Variants in PAK5 observed in about 807,000 individuals in gnomAD.
PAK5 encodes serine/threonine-protein kinase PAK 5.
PAK5 carries 16 observed loss-of-function variants against 65.9 expected under a neutral mutation model. The observed-to-expected ratio is 0.24, with a 90% CI of 0.16 to 0.37. The LOEUF (loss-of-function observed/expected upper bound fraction) is 0.37, where lower values mean the gene tolerates loss of function less well. Ranked by LOEUF, PAK5 falls within the 10% of genes least tolerant of loss-of-function variation. The pLI is 1.00. For synonymous variants in PAK5, 371 were observed against 354.9 expected (o/e 1.05, Z -0.51); for missense variants, 785 against 903.9 (o/e 0.87, Z 1.69).
At chr20:9,680,459 C>T (rs2047634489) in intron 2 of PAK5, among the ~76,000 whole-genome samples, 1 of 152,158 alleles carries the variant, frequency 6.6e-6, no homozygotes, top group Non-Finnish European at 1.5e-5. Context: ...CTGTCAGCAA[C>T]TGGAGCTCGG....
chr20:9,676,597 G>T (rs992804697), intron 2 of PAK5, among the ~76,000 whole-genome samples: 3 of 152,194 alleles, frequency 2.0e-5, no homozygotes, highest in African/African-American at 7.2e-5. Flanking sequence ...AAGTGAGATA[G>T]AGGGAGAAAG....
intron 1 of PAK5, among the ~76,000 whole-genome samples, chr20:9,742,428 A>C (rs1217992706): frequency 6.6e-6 from 1 of 152,178 alleles, no homozygotes; most frequent in Non-Finnish European, 1.5e-5. Flanking sequence ...AGTGGGCTTT[A>C]ATTGTTTTAA....
chr20:9,768,154 T>A (rs917774355), intron 1 of PAK5, among the ~76,000 whole-genome samples: 5 of 152,148 alleles, frequency 3.3e-5, no homozygotes, highest in Non-Finnish European at 7.3e-5. Context: ...AATCTTTAAT[T>A]CTTTTTTTCT....
intron 1 of PAK5, among the ~76,000 whole-genome samples, chr20:9,752,135 G>A (rs958374439): frequency 1.3e-5 from 2 of 152,130 alleles, no homozygotes; most frequent in African/African-American, 4.8e-5. Context: ...TGACATAGGT[G>A]ACTAAGGAAG....
chr20:9,751,620 T>C (rs2048578210), intron 1 of PAK5, among the ~76,000 whole-genome samples: 1 of 152,176 alleles, frequency 6.6e-6, no homozygotes, highest in African/African-American at 2.4e-5. Context: ...TTTGCTTACG[T>C]TGTATCAAGT....
intron 1 of PAK5, among the ~76,000 whole-genome samples, chr20:9,819,042 C>T (rs931837047): frequency 6.6e-6 from 1 of 152,124 alleles, no homozygotes; most frequent in Admixed American, 6.6e-5. Flanking sequence ...ATATACTCTG[C>T]ATGAGAAAGC....
At chr20:9,641,623 G>C (rs1336927602) in intron 3 of PAK5, among the ~76,000 whole-genome samples, 1 of 152,004 alleles carries the variant, frequency 6.6e-6, no homozygotes, top group East Asian at 1.9e-4. Flanking sequence ...GATGGGACTG[G>C]GCGCTGTGGA....
intron 3 of PAK5, among the ~76,000 whole-genome samples, chr20:9,611,429 C>T (rs983086047): frequency 2.6e-5 from 4 of 152,174 alleles, no homozygotes; most frequent in African/African-American, 9.7e-5. Context: ...ACAAACACAC[C>T]TTACTCACTA....
chr20:9,827,290 C>T (rs1358569530), intron 1 of PAK5, among the ~76,000 whole-genome samples: 1 of 152,222 alleles, frequency 6.6e-6, no homozygotes, highest in African/African-American at 2.4e-5. Flanking sequence ...GCCTTGGATT[C>T]AGATGATACA....
intron 3 of PAK5, among the ~76,000 whole-genome samples, chr20:9,615,778 C>T (rs2046645009): frequency 6.6e-6 from 1 of 152,176 alleles, no homozygotes; most frequent in Non-Finnish European, 1.5e-5. Flanking sequence ...GGGCTGCAGC[C>T]ACCTGAGGGC....
chr20:9,823,406 A>G (rs1204543589), intron 1 of PAK5, among the ~76,000 whole-genome samples: 2 of 152,226 alleles, frequency 1.3e-5, no homozygotes, highest in African/African-American at 4.8e-5. Flanking sequence ...CTCACCTTGA[A>G]TTATAATAAT....
At chr20:9,786,529 C>T (rs2048994464) in intron 1 of PAK5, among the ~76,000 whole-genome samples, 1 of 152,088 alleles carries the variant, frequency 6.6e-6, no homozygotes, top group Non-Finnish European at 1.5e-5. Context: ...CAGTATAGCA[C>T]ATGTACAGAA....
At position 9,683,873 on chromosome 20, in the gene PAK5, G is replaced by C. The variant is rs556152789; in HGVS notation, c.-12+27413C>G. On this transcript the variant is annotated intron_variant, in intron 2 of 9. Coordinates refer to ENST00000353224, the MANE Select transcript of PAK5 (RefSeq NM_177990.4). Reference sequence around the variant, plus strand: ...GGCTGGGATATGGTCATGTGACTGAGTGAGGCCAGTGAAATATGAATGTAG... The same window carrying C: ...GGCTGGGATATGGTCATGTGACTGACTGAGGCCAGTGAAATATGAATGTAG... Among the ~76,000 whole-genome samples the C allele has an allele frequency of 2.6e-5, 4 of 152,258 alleles. No individual in the cohort carries two copies. The South Asian group carries it at 8.3e-4, about 32-fold the overall frequency.
chr20:9,736,152 C>T (rs1022868406), intron 1 of PAK5, among the ~76,000 whole-genome samples: 4 of 151,936 alleles, frequency 2.6e-5, no homozygotes, highest in South Asian at 2.1e-4. Context: ...CCACCCACCT[C>T]GGCATCCCAA....
At chr20:9,539,883 A>G (rs992132029) in intron 9 of PAK5, among the ~76,000 whole-genome samples, 4 of 152,244 alleles carry the variant, frequency 2.6e-5, no homozygotes, top group African/African-American at 9.6e-5. Flanking sequence ...AGTGGCAATC[A>G]CAGTGATAAG....
intron 1 of PAK5, among the ~76,000 whole-genome samples, chr20:9,773,081 G>C (rs540592500): frequency 6.6e-6 from 1 of 152,188 alleles, no homozygotes; most frequent in Non-Finnish European, 1.5e-5. Flanking sequence ...ATTCAACAGG[G>C]TGTAGAAGGC....
intron 1 of PAK5, among the ~76,000 whole-genome samples, chr20:9,814,725 T>A (rs185954215): frequency 6.6e-6 from 1 of 152,306 alleles, no homozygotes; most frequent in East Asian, 1.9e-4. Flanking sequence ...CTATCCTGAA[T>A]CATTTTTGGA....
intron 2 of PAK5, among the ~76,000 whole-genome samples, chr20:9,677,815 T>A (rs1425561705): frequency 1.3e-5 from 2 of 152,252 alleles, no homozygotes; most frequent in African/African-American, 4.8e-5. Context: ...CATAGGACAG[T>A]ATAGTGGCTT....
chr20:9,544,276 C>A, intron 8 of PAK5, 93 bp downstream of exon 8: 2 of 1,322,194 alleles, frequency 1.5e-6, no homozygotes, highest in Non-Finnish European at 2.1e-6. Flanking sequence ...AAAGTCATTG[C>A]CCCCATCTCC....
Sources: allele counts gnomAD v4.1 joint callset (sites outside exome capture counted in the v4.1 genomes callset), GRCh38; gene constraint gnomAD v4.1.1; transcripts MANE v1.5; gene names NCBI Gene and HGNC (gene_info 2026-07-23, HGNC 2026-07-21).